The following CASP6 variants were observed in gnomAD, a reference collection of about 807,000 sequenced individuals.
CASP6 encodes caspase 6, also known as caspase-6.
A neutral mutation model predicts 31.8 loss-of-function variants in CASP6; 20 were observed. The observed-to-expected ratio is 0.63, with a 90% confidence interval of 0.44 to 0.91. The LOEUF (loss-of-function observed/expected upper bound fraction) is 0.91, where lower values mean the gene tolerates loss of function less well. Ranked by LOEUF, CASP6 falls within the 40% of genes least tolerant of loss-of-function variation. The pLI, the probability that CASP6 is intolerant of heterozygous loss-of-function variation, is 0.00. For missense variants in CASP6, 328 were observed against 361.1 expected (o/e 0.91, Z 0.74); for synonymous variants, 130 against 127.8 (o/e 1.02, Z -0.12).
At chr4:109,691,467 T>C (rs1021016914) in intron 5 of CASP6, among the ~76,000 whole-genome samples, 1 of 152,226 alleles carries the variant, frequency 6.6e-6, no homozygotes, top group Non-Finnish European at 1.5e-5. Flanking sequence ...ACATCCAGCC[T>C]GACCTGAGGA....
At chr4:109,707,317 T>C (rs13144085), upstream of CASP6, among the ~76,000 whole-genome samples, 9,825 of 152,180 alleles carry the variant, frequency 0.065, 319 homozygotes, top group Middle Eastern at 0.095. Flanking sequence ...TTGTAGGACT[T>C]GCAGTAACTT....
rs1268969823 is a variant in CASP6 at position 109,703,435 on chromosome 4, C to T, written c.-40G>A. The stretch of plus-strand genomic sequence containing the variant: ...CAGCCAGACACCTTGCCCTCCTCTT[C>T]CTGAAGCCACAGGCTCCCGGGCCCG... On this transcript the variant is annotated 5_prime_UTR_variant, in exon 1 of 7. Transcript: ENST00000265164. 6.2e-7 allele frequency: 1 copy of T among 1,605,282 alleles called. No homozygotes were observed. The highest frequency in any genetic ancestry group is 1.1e-5 in the South Asian group (1 of 89,446).
At chr4:109,706,168 T>TATATATATATATAC (rs1438834395), upstream of CASP6, among the ~76,000 whole-genome samples, 44 of 92,460 alleles carry the variant, frequency 4.8e-4, no homozygotes, top group South Asian at 6.5e-4. Context: ...TATATATATA[T>TATATATATATATAC]ATACACACAC....
downstream of CASP6, chr4:109,684,632 A>C: frequency 6.7e-7 from 1 of 1,492,792 alleles, no homozygotes; most frequent in Non-Finnish European, 9.3e-7. Context: ...TGCATACTTT[A>C]TAGTCACTCG....
chr4:109,699,196 C>A (rs1394326445), intron 1 of CASP6, among the ~76,000 whole-genome samples: 1 of 152,138 alleles, frequency 6.6e-6, no homozygotes, highest in Non-Finnish European at 1.5e-5. Context: ...TCTGTTTTTA[C>A]CTGATAGCTC....
chr4:109,678,020 T>C, the CASP6 span, among the ~76,000 whole-genome samples: 1 of 151,978 alleles, frequency 6.6e-6, no homozygotes, highest in Admixed American at 6.6e-5. Flanking sequence ...GTGATGACTC[T>C]TAACGAGTAT....
chr4:109,695,411 G>C (rs547920821), intron 4 of CASP6, among the ~76,000 whole-genome samples: 2 of 152,134 alleles, frequency 1.3e-5, no homozygotes, highest in Non-Finnish European at 2.9e-5. Context: ...GAAAGACCCA[G>C]AAACTGCTGC....
At position 109,689,554 on chromosome 4, in the gene CASP6, G is replaced by T; in HGVS notation, c.658C>A (p.Arg220=). Residue 220 remains arginine (R), a synonymous_variant, in exon 7 of 7, where the codon CGG becomes AGG. Transcript: ENST00000265164. ...YSVAEGYYSH[R]ETVNGSWYIQ... Reference sequence around the variant, plus strand: ...TACCATGAGCCGTTCACAGTTTCCCGGTGAGAATAATATCCTAAAAAAGTG... The same window carrying T: ...TACCATGAGCCGTTCACAGTTTCCCTGTGAGAATAATATCCTAAAAAAGTG... 1 of 1,613,942 alleles carries T rather than the reference G, an allele frequency of 6.2e-7. No individual in the cohort carries two copies. The highest frequency in any genetic ancestry group is 8.5e-7 in the Non-Finnish European group (1 of 1,179,926).
At chr4:109,686,553 C>T (rs1729841940), downstream of CASP6, among the ~76,000 whole-genome samples, 2 of 152,128 alleles carry the variant, frequency 1.3e-5, no homozygotes, top group African/African-American at 4.8e-5. Flanking sequence ...TCTGAGAAGG[C>T]TAAGGAATGT....
intron 6 of CASP6, 120 bp downstream of exon 6, chr4:109,690,730 A>C (rs1730023817): frequency 1.0e-6 from 1 of 977,922 alleles, no homozygotes; most frequent in Non-Finnish European, 1.5e-6. Context: ...TAAGTCTGTG[A>C]GCTTCAGGAT....
At chr4:109,700,999 C>T (rs1448050049) in intron 1 of CASP6, among the ~76,000 whole-genome samples, 1 of 152,158 alleles carries the variant, frequency 6.6e-6, no homozygotes, top group African/African-American at 2.4e-5. Flanking sequence ...TGCTCTGTTG[C>T]CTAGGCTGGA....
rs767761065 is a variant in CASP6, at chr4:109,689,323, C to T, written c.*7G>A. On this transcript the variant is annotated 3_prime_UTR_variant, in exon 7 of 7. Coordinates refer to ENST00000265164, the MANE Select transcript of CASP6 (RefSeq NM_001226.4). ...TACAGAGTGTAAAATTAGATAGCCTCTATTAATTAATTAGATTTTGGAAAG... is the reference window on the plus strand; with the variant it reads ...TACAGAGTGTAAAATTAGATAGCCTTTATTAATTAATTAGATTTTGGAAAG... The T allele has an allele frequency of 6.2e-7, 1 of 1,610,564 alleles. No homozygotes were observed. The highest frequency in any genetic ancestry group is 8.5e-7 in the Non-Finnish European group (1 of 1,177,274).
At chr4:109,696,146 A>G (rs1730231981) in intron 4 of CASP6, among the ~76,000 whole-genome samples, 1 of 152,166 alleles carries the variant, frequency 6.6e-6, no homozygotes, top group Non-Finnish European at 1.5e-5. Flanking sequence ...TTTACTGCCA[A>G]TTGAAGGGGT....
At chr4:109,703,968 G>A (rs1446801530), upstream of CASP6, among the ~76,000 whole-genome samples, 1 of 152,120 alleles carries the variant, frequency 6.6e-6, no homozygotes, top group East Asian at 1.9e-4. Context: ...CTGCTGTTGT[G>A]ATCTGTGATC....
chr4:109,684,431 A>C (rs759927967), downstream of CASP6: 2 of 1,589,244 alleles, frequency 1.3e-6, no homozygotes, highest in South Asian at 2.3e-5. Context: ...ACAGTTTTTC[A>C]TTCCCCCTCA....
chr4:109,703,965 T>C (rs5030515), upstream of CASP6, among the ~76,000 whole-genome samples: 1,032 of 152,322 alleles, frequency 6.8e-3, 16 homozygotes, highest in African/African-American at 0.022. Flanking sequence ...TGTCTGCTGT[T>C]GTGATCTGTG....
At chr4:109,696,949 C>A (rs922730043) in intron 3 of CASP6, among the ~76,000 whole-genome samples, 5 of 152,000 alleles carry the variant, frequency 3.3e-5, no homozygotes, top group Non-Finnish European at 5.9e-5. Context: ...CCACGCCCGG[C>A]TAATTTTTTG....
intron 2 of CASP6, 100 bp from the exon 3 acceptor site, chr4:109,697,868 C>T (rs947092061): frequency 1.5e-6 from 2 of 1,322,646 alleles, no homozygotes; most frequent in Non-Finnish European, 2.1e-6. Flanking sequence ...TGAGCTTCCT[C>T]CTTGCCAGGC....
downstream of CASP6, chr4:109,685,167 GT>G (rs1729809572): frequency 4.6e-6 from 3 of 658,562 alleles, no homozygotes; most frequent in Non-Finnish European, 8.1e-6. Flanking sequence ...TTGCTTTGGT[GT>G]TGCTGAGTCA....
Sources: gnomAD v4.1 joint callset for allele counts (sites outside exome capture counted in the v4.1 genomes callset) on GRCh38, gnomAD v4.1.1 for gene constraint, MANE v1.5 for transcripts, NCBI Gene and HGNC (gene_info 2026-07-23, HGNC 2026-07-21) for gene names.